The following ROBO2 variants were observed in gnomAD, a reference collection of about 807,000 sequenced individuals.
ROBO2 encodes roundabout homolog 2.
In ROBO2, 53 loss-of-function variants were observed where a neutral mutation model predicts 160.8. The observed-to-expected ratio is 0.33, with a 90% CI of 0.26 to 0.41. The LOEUF is 0.41. ROBO2 is among the 10% of genes least tolerant of loss of function. The pLI, the probability that ROBO2 is intolerant of heterozygous loss-of-function variation, is 1.00. For missense variants in ROBO2, 1,577 were observed against 1,722.4 expected (o/e 0.92, Z 1.49); for synonymous variants, 664 against 611.7 (o/e 1.09, Z -1.26).
intron 2 of ROBO2, among the ~76,000 whole-genome samples, chr3:76,944,196 A>C (rs929761914): frequency 6.6e-6 from 1 of 152,176 alleles, no homozygotes; most frequent in African/African-American, 2.4e-5. Context: ...ATTGAAAAAA[A>C]CAACACTTTT....
intron 2 of ROBO2, among the ~76,000 whole-genome samples, chr3:76,986,671 A>C (rs569369859): frequency 1.6e-4 from 24 of 152,278 alleles, no homozygotes; most frequent in Admixed American, 4.6e-4. Context: ...TGCCAACACT[A>C]GGAAAATGGA....
At chr3:77,074,021 C>T (rs964608004) in intron 1 of ROBO2, among the ~76,000 whole-genome samples, 4 of 152,056 alleles carry the variant, frequency 2.6e-5, no homozygotes, top group Admixed American at 2.0e-4. Flanking sequence ...TTAATAGAAA[C>T]GTGGAAGTGT....
At chr3:76,608,331 T>A (rs764120151) in intron 2 of ROBO2, among the ~76,000 whole-genome samples, 1 of 152,168 alleles carries the variant, frequency 6.6e-6, no homozygotes, top group Non-Finnish European at 1.5e-5. Flanking sequence ...AAAGGGACTG[T>A]GGAGGAATGA....
chr3:77,117,871 ATTATTC>A (rs1229431779), intron 2 of ROBO2, among the ~76,000 whole-genome samples: 2 of 152,202 alleles, frequency 1.3e-5, no homozygotes, highest in African/African-American at 2.4e-5. Flanking sequence ...GAAGCTAAAA[ATTATTC>A]TTAATCTTCA....
At chr3:77,031,733 ATATATAT>A (rs759565866) in intron 2 of ROBO2, among the ~76,000 whole-genome samples, 142 of 147,644 alleles carry the variant, frequency 9.6e-4, no homozygotes, top group Non-Finnish European at 1.5e-3. Context: ...TATATAATAA[ATATATAT>A]TAGATATGTA....
chr3:77,207,466 T>C (rs1314320712), intron 2 of ROBO2, among the ~76,000 whole-genome samples: 2 of 152,206 alleles, frequency 1.3e-5, no homozygotes, highest in Non-Finnish European at 2.9e-5. Context: ...TCTCATTAAC[T>C]TAAGGTTTTT....
intron 2 of ROBO2, among the ~76,000 whole-genome samples, chr3:76,590,481 TAG>T (rs1164719009): frequency 6.6e-6 from 1 of 152,158 alleles, no homozygotes; most frequent in Non-Finnish European, 1.5e-5. Context: ...ATCTACATTT[TAG>T]ACAGCAACAC....
At position 76,127,520 on chromosome 3, in the gene ROBO2, C is replaced by T. The variant is rs189206836; in HGVS notation, c.109+189918C>T. On this transcript the variant is annotated intron_variant, in intron 2 of 26. Transcript: ENST00000487694. ...TTTATGTCTGTGATATAGTTGGACA[C>T]GTTTATATAGAAAACAAATGAATAT... Among the ~76,000 whole-genome samples, 597 of 151,598 alleles carry T rather than the reference C, an allele frequency of 3.9e-3. 3 individuals carry two copies. Among genetic ancestry groups the T allele is most frequent in the African/African-American group, 0.014 (567 of 41,360 alleles).
At chr3:75,916,980 T>TC (rs1946838626) in intron 1 of ROBO2, among the ~76,000 whole-genome samples, 1 of 46,982 alleles carries the variant, frequency 2.1e-5, no homozygotes, top group Non-Finnish European at 5.1e-5. Flanking sequence ...GTGCATGTTT[T>TC]CTATATATAT....
chr3:77,073,982 A>G (rs966963078), intron 1 of ROBO2, among the ~76,000 whole-genome samples: 1 of 152,234 alleles, frequency 6.6e-6, no homozygotes, highest in Non-Finnish European at 1.5e-5. Flanking sequence ...AAAATGAGCT[A>G]TTTTGATAAA....
chr3:77,129,343 A>G (rs1261145388), intron 2 of ROBO2, among the ~76,000 whole-genome samples: 1 of 152,220 alleles, frequency 6.6e-6, no homozygotes, highest in Non-Finnish European at 1.5e-5. Context: ...TTAAATCATT[A>G]TAACTAGGCT....
chr3:77,246,315 G>A (rs2089711519), intron 2 of ROBO2, among the ~76,000 whole-genome samples: 2 of 115,300 alleles, frequency 1.7e-5, no homozygotes, highest in African/African-American at 6.6e-5. Flanking sequence ...AAACTACTGA[G>A]AGTGTATGTG....
chr3:76,392,705 T>C (rs1184489794), intron 2 of ROBO2, among the ~76,000 whole-genome samples: 1 of 152,210 alleles, frequency 6.6e-6, no homozygotes, highest in South Asian at 2.1e-4. Context: ...TTTTTTGTTT[T>C]ATAGAAGATA....
chr3:76,352,804 A>G (rs1009060824), intron 2 of ROBO2, among the ~76,000 whole-genome samples: 6 of 151,992 alleles, frequency 3.9e-5, no homozygotes, highest in African/African-American at 1.4e-4. Context: ...AAGTGCTTCA[A>G]CTGAATTCCA....
At chr3:77,074,996 T>G (rs1332032401) in intron 1 of ROBO2, among the ~76,000 whole-genome samples, 2 of 152,166 alleles carry the variant, frequency 1.3e-5, no homozygotes, top group Non-Finnish European at 2.9e-5. Flanking sequence ...TCGTATTACT[T>G]AAAATTTTGT....
At chr3:76,388,787 T>C (rs531729437) in intron 2 of ROBO2, among the ~76,000 whole-genome samples, 2 of 152,282 alleles carry the variant, frequency 1.3e-5, no homozygotes, top group East Asian at 3.9e-4. Flanking sequence ...CATTCATCTT[T>C]CCATCTATCC....
At chr3:77,269,955 A>C (rs2059384869) in intron 2 of ROBO2, among the ~76,000 whole-genome samples, 1 of 152,174 alleles carries the variant, frequency 6.6e-6, no homozygotes, top group African/African-American at 2.4e-5. Context: ...TTAAAATAGC[A>C]ACTTAACAGC....
intron 2 of ROBO2, among the ~76,000 whole-genome samples, chr3:76,667,670 C>A (rs958365585): frequency 2.8e-5 from 3 of 106,360 alleles, no homozygotes; most frequent in Non-Finnish European, 6.4e-5. Flanking sequence ...TATAATTGTT[C>A]TTATTGTTTA....
At chr3:77,492,484 A>T (rs1306265980) in intron 4 of ROBO2, among the ~76,000 whole-genome samples, 1 of 152,170 alleles carries the variant, frequency 6.6e-6, no homozygotes, top group Non-Finnish European at 1.5e-5. Context: ...ATACAGATTA[A>T]TAAAAGAAGA....
Sources: gnomAD v4.1 joint callset for allele counts (sites outside exome capture counted in the v4.1 genomes callset) on GRCh38, gnomAD v4.1.1 for gene constraint, MANE v1.5 for transcripts, NCBI Gene and HGNC (gene_info 2026-07-23, HGNC 2026-07-21) for gene names.